The following TULP4 variants were observed in gnomAD, a reference collection of about 807,000 sequenced individuals.
The protein encoded by TULP4 is tubby-related protein 4.
In TULP4, 16 loss-of-function variants were observed where a neutral mutation model predicts 129.0. The ratio of observed to expected loss-of-function variants is 0.12; its 90% CI spans 0.08 to 0.19. TULP4 has a LOEUF of 0.19. TULP4 is among the 10% of genes least tolerant of loss of function. The pLI, the probability that TULP4 is intolerant of heterozygous loss-of-function variation, is 1.00. For synonymous variants in TULP4, 998 were observed against 854.0 expected (o/e 1.17, Z -2.94); for missense variants, 1,842 against 2,059.1 (o/e 0.89, Z 2.04).
intron 2 of TULP4, among the ~76,000 whole-genome samples, chr6:158,424,362 G>A (rs1043139066): frequency 6.6e-6 from 1 of 152,046 alleles, no homozygotes; most frequent in Non-Finnish European, 1.5e-5. Flanking sequence ...TGATTCTCCC[G>A]ACTCAGCCTC....
intron 1 of TULP4, among the ~76,000 whole-genome samples, chr6:158,389,881 C>T (rs536899179): frequency 2.6e-5 from 4 of 152,152 alleles, no homozygotes; most frequent in East Asian, 1.9e-4. Context: ...TATTTGATGG[C>T]GGGTGGATCA....
At chr6:158,349,099 G>A (rs1466791065) in intron 1 of TULP4, among the ~76,000 whole-genome samples, 6 of 148,390 alleles carry the variant, frequency 4.0e-5, no homozygotes, top group African/African-American at 1.5e-4. Flanking sequence ...CCCAGATGGG[G>A]CAGCCGGGCA....
chr6:158,345,661 A>G (rs1166129399), intron 1 of TULP4, among the ~76,000 whole-genome samples: 2 of 152,258 alleles, frequency 1.3e-5, no homozygotes, highest in East Asian at 3.8e-4. Flanking sequence ...ACTACTGATA[A>G]GAGTCCAACA....
chr6:158,271,104 C>T (rs548804229), intron 1 of TULP4, among the ~76,000 whole-genome samples: 2 of 148,702 alleles, frequency 1.3e-5, no homozygotes, highest in South Asian at 2.1e-4. Context: ...TAGCCGAGAT[C>T]GCGCCACTGT....
At chr6:158,307,378 G>A (rs1412608281) in intron 1 of TULP4, among the ~76,000 whole-genome samples, 1 of 152,150 alleles carries the variant, frequency 6.6e-6, no homozygotes, top group Non-Finnish European at 1.5e-5. Flanking sequence ...TTCAACAAGT[G>A]GTAGTTTCTC....
chr6:158,240,074 G>A, intron 1 of TULP4, among the ~76,000 whole-genome samples: 1 of 98,370 alleles, frequency 1.0e-5, no homozygotes, highest in Non-Finnish European at 2.3e-5. Flanking sequence ...GGACGGGGCG[G>A]CTGGCCGGGC....
At chr6:158,404,474 G>A (rs1325188593) in intron 1 of TULP4, among the ~76,000 whole-genome samples, 1 of 152,168 alleles carries the variant, frequency 6.6e-6, no homozygotes, top group East Asian at 1.9e-4. Context: ...GTATAATTAA[G>A]GTATAAAAAT....
chr6:158,414,599 A>AAG (rs1778166491), intron 2 of TULP4, among the ~76,000 whole-genome samples: 3 of 152,200 alleles, frequency 2.0e-5, no homozygotes, highest in Admixed American at 6.5e-5. Context: ...TTGAGGTAGC[A>AAG]GCTTTTCTTG....
At chr6:158,305,366 CAT>C (rs1779202613) in intron 1 of TULP4, among the ~76,000 whole-genome samples, 1 of 99,616 alleles carries the variant, frequency 1.0e-5, no homozygotes, top group African/African-American at 3.7e-5. Flanking sequence ...TGTGTGTGTA[CAT>C]ATACCACATT....
chr6:158,341,075 A>G (rs1780170574), intron 1 of TULP4, among the ~76,000 whole-genome samples: 1 of 151,760 alleles, frequency 6.6e-6, no homozygotes, highest in South Asian at 2.1e-4. Flanking sequence ...TGTTCTCTTT[A>G]TTCCCTCCTC....
At chr6:158,301,637 C>T (rs1049888356) in intron 1 of TULP4, among the ~76,000 whole-genome samples, 2 of 152,204 alleles carry the variant, frequency 1.3e-5, no homozygotes, top group East Asian at 1.9e-4. Context: ...GAAAACACCA[C>T]TCCACTAAGT....
At chr6:158,267,608 ATAAT>A (rs1290370219) in intron 1 of TULP4, among the ~76,000 whole-genome samples, 3 of 152,176 alleles carry the variant, frequency 2.0e-5, no homozygotes, top group Admixed American at 6.5e-5. Flanking sequence ...AATCTTCCAA[ATAAT>A]TAGGAGGGTC....
At chr6:158,291,682 T>A (rs938985084) in intron 1 of TULP4, among the ~76,000 whole-genome samples, 2 of 152,192 alleles carry the variant, frequency 1.3e-5, no homozygotes, top group African/African-American at 2.4e-5. Flanking sequence ...TGTCCTTTTT[T>A]AATCTATCTT....
At chr6:158,482,066 C>A (rs912459547) in intron 8 of TULP4, among the ~76,000 whole-genome samples, 3 of 152,196 alleles carry the variant, frequency 2.0e-5, no homozygotes, top group African/African-American at 7.2e-5. Flanking sequence ...CAGACGCTGC[C>A]CCGCTGAATC....
chr6:158,422,343 G>C (rs375774511), intron 2 of TULP4, among the ~76,000 whole-genome samples: 1 of 152,206 alleles, frequency 6.6e-6, no homozygotes, highest in Admixed American at 6.5e-5. Context: ...GATGCAGGTA[G>C]TTCAATGGGG....
intron 1 of TULP4, among the ~76,000 whole-genome samples, chr6:158,355,301 G>A (rs1419030379): frequency 6.6e-6 from 1 of 152,016 alleles, no homozygotes; most frequent in African/African-American, 2.4e-5. Context: ...ACCCAAGCTG[G>A]TCTTGAACTC....
intron 1 of TULP4, among the ~76,000 whole-genome samples, chr6:158,335,823 G>C (rs555621857): frequency 2.0e-5 from 3 of 152,172 alleles, no homozygotes; most frequent in Non-Finnish European, 4.4e-5. Flanking sequence ...ACTGTATATC[G>C]TAGTACTATA....
intron 1 of TULP4, among the ~76,000 whole-genome samples, chr6:158,342,947 A>ATGTGTGTGTGTG (rs5881254): frequency 0.014 from 2,010 of 147,590 alleles, 30 homozygotes; most frequent in African/African-American, 0.025. Flanking sequence ...TTAAAAATAA[A>ATGTGTGTGTGTG]TGTGTGTGTG....
In TULP4 at chr6:158,507,685, A is replaced by G. The variant is rs1267496629; in HGVS notation, c.*991A>G. 6.6e-6 allele frequency: 1 copy of G among 152,194 alleles called. No individual in the cohort carries two copies. The highest frequency in any genetic ancestry group is 2.4e-5 in the African/African-American group (1 of 41,454). The allele number at this position is 152,194 out of a possible 1,614,324, so 9.4% of individuals were successfully genotyped here. A position where few individuals can be genotyped will look rare whatever the true frequency, so the allele number is the denominator to read the frequency against. On this transcript the variant is annotated 3_prime_UTR_variant, in exon 14 of 14. Coordinates refer to ENST00000367097, the MANE Select transcript of TULP4 (RefSeq NM_020245.5). ...CCTTTTACTTTTTAATCTGGAATGC[A>G]TTACTGTAAACATGATCTTTCCCAT...
Sources: gnomAD v4.1 joint callset for allele counts (sites outside exome capture counted in the v4.1 genomes callset) on GRCh38, gnomAD v4.1.1 for gene constraint, MANE v1.5 for transcripts, NCBI Gene and HGNC (gene_info 2026-07-23, HGNC 2026-07-21) for gene names.